The following NR3C2 variants were observed in gnomAD, a reference collection of about 807,000 sequenced individuals.
NR3C2 encodes the protein nuclear receptor subfamily 3 group C member 2, also known as mineralocorticoid receptor.
NR3C2 carries 15 observed loss-of-function variants against 86.4 expected under a neutral mutation model. The ratio of observed to expected loss-of-function variants is 0.17; its 90% CI spans 0.12 to 0.27. NR3C2 has a LOEUF of 0.27. NR3C2 is among the 10% of genes least tolerant of loss of function. NR3C2 has a pLI of 1.00. For synonymous variants in NR3C2, 458 were observed against 450.5 expected (o/e 1.02, Z -0.21); for missense variants, 960 against 1,195.6 (o/e 0.80, Z 2.91).
At chr4:148,392,316 A>T (rs971822309) in intron 2 of NR3C2, among the ~76,000 whole-genome samples, 1 of 152,248 alleles carries the variant, frequency 6.6e-6, no homozygotes, top group African/African-American at 2.4e-5. Flanking sequence ...CTAAAATATG[A>T]AATAGAAAAG....
At chr4:148,155,919 G>C (rs1416240060) in intron 4 of NR3C2, among the ~76,000 whole-genome samples, 2 of 152,102 alleles carry the variant, frequency 1.3e-5, no homozygotes, top group Non-Finnish European at 2.9e-5. Context: ...CAGAGATATA[G>C]ATCAATGGAA....
At chr4:148,261,446 C>T in intron 2 of NR3C2, among the ~76,000 whole-genome samples, 1 of 150,434 alleles carries the variant, frequency 6.6e-6, no homozygotes. Context: ...GCGCTACGGT[C>T]AGTGCTATGG....
chr4:148,334,080 A>G lies in NR3C2; in HGVS notation c.1758-73963T>C, dbSNP rs1042428709. 2.0e-5 allele frequency among the ~76,000 whole-genome samples: 3 copies of G among 152,236 alleles called. No individual in the cohort carries two copies. In the South Asian group the frequency reaches 6.2e-4, roughly 31 times the overall value. On this transcript the variant is annotated intron_variant, in intron 2 of 8. Coordinates refer to ENST00000358102, the MANE Select transcript of NR3C2 (RefSeq NM_000901.5). ...ATAAGGTGGACTTCCCAACAACCAG[A>G]TGTCATGAAGTACCGTAACTGACTT...
chr4:148,435,300 G>A lies in NR3C2; in HGVS notation c.1561C>T (p.Gln521Ter), dbSNP rs1553942796. 6.2e-7 allele frequency: 1 copy of A among 1,614,136 alleles called. No individual in the cohort carries two copies. Among genetic ancestry groups the A allele is most frequent in the Non-Finnish European group, 8.5e-7 (1 of 1,180,020 alleles). Reference protein sequence around the residue: ...SAIVGVNSGGQSFHYRIGAQG... With the variant: ...SAIVGVNSGG ...GCACCAATCCTGTAGTGGAAGGACT[G>A]TCCACCTGAATTCACCCCAACAATA... The change falls in exon 2 of 9, where the codon CAG (glutamine) becomes TAG (stop). Residue 521 changes from glutamine to a stop codon, truncating the protein, a stop_gained. Coordinates refer to ENST00000358102, the MANE Select transcript of NR3C2 (RefSeq NM_000901.5). LOFTEE classifies it high-confidence loss of function.
intron 6 of NR3C2, among the ~76,000 whole-genome samples, chr4:148,127,016 G>A (rs1329710324): frequency 6.6e-6 from 1 of 152,092 alleles, no homozygotes; most frequent in South Asian, 2.1e-4. Context: ...AGTACCTCCA[G>A]TGTTTTGTTA....
intron 2 of NR3C2, among the ~76,000 whole-genome samples, chr4:148,406,303 T>C (rs543901611): frequency 1.3e-5 from 2 of 152,278 alleles, no homozygotes; most frequent in South Asian, 4.2e-4. Context: ...ATTAAAAATA[T>C]ACACATTTTG....
chr4:148,218,207 A>G (rs1464828677), intron 3 of NR3C2, among the ~76,000 whole-genome samples: 1 of 152,230 alleles, frequency 6.6e-6, no homozygotes, highest in Non-Finnish European at 1.5e-5. Flanking sequence ...GCTACAGTTG[A>G]TAGCTGTTGC....
At chr4:148,336,178 C>T (rs1744478059) in intron 2 of NR3C2, among the ~76,000 whole-genome samples, 1 of 152,188 alleles carries the variant, frequency 6.6e-6, no homozygotes. Context: ...ACAAGTGTTC[C>T]TACGGGTGGC....
chr4:148,428,971 C>T (rs1286828498), intron 2 of NR3C2, among the ~76,000 whole-genome samples: 1 of 152,152 alleles, frequency 6.6e-6, no homozygotes, highest in Non-Finnish European at 1.5e-5. Flanking sequence ...CTAGTTCCAA[C>T]TAGCCTCTTC....
chr4:148,409,279 T>C (rs1203998479), intron 2 of NR3C2, among the ~76,000 whole-genome samples: 1 of 152,198 alleles, frequency 6.6e-6, no homozygotes, highest in African/African-American at 2.4e-5. Flanking sequence ...GTCTTAATTA[T>C]GTCTTTGATA....
intron 2 of NR3C2, among the ~76,000 whole-genome samples, chr4:148,421,777 T>A (rs1234764604): frequency 6.6e-6 from 1 of 152,194 alleles, no homozygotes. Flanking sequence ...TACTTCAGCA[T>A]TATGAAATCA....
chr4:148,201,336 C>T (rs1249262535), intron 3 of NR3C2, among the ~76,000 whole-genome samples: 1 of 152,126 alleles, frequency 6.6e-6, no homozygotes, highest in Non-Finnish European at 1.5e-5. Context: ...AAACTTACAA[C>T]CATTTCAGAA....
chr4:148,253,804 C>A (rs145247546), intron 3 of NR3C2, among the ~76,000 whole-genome samples: 1 of 152,112 alleles, frequency 6.6e-6, no homozygotes, highest in Non-Finnish European at 1.5e-5. Flanking sequence ...CTTTTCATCA[C>A]CCCCTCACTA....
chr4:148,344,548 C>T (rs559818622), intron 2 of NR3C2, among the ~76,000 whole-genome samples: 13 of 152,242 alleles, frequency 8.5e-5, no homozygotes, highest in Non-Finnish European at 1.9e-4. Flanking sequence ...TTGTTTGGCA[C>T]CTGGTCAGCA....
chr4:148,130,575 T>C (rs1301458944), intron 6 of NR3C2, among the ~76,000 whole-genome samples: 1 of 152,198 alleles, frequency 6.6e-6, no homozygotes, highest in African/African-American at 2.4e-5. Context: ...TGCATATCTT[T>C]CTATGACTGA....
At chr4:148,274,705 C>CTT (rs34170216) in intron 2 of NR3C2, among the ~76,000 whole-genome samples, 4 of 129,226 alleles carry the variant, frequency 3.1e-5, no homozygotes, top group Non-Finnish European at 1.6e-5. Flanking sequence ...GTAGTTTTTT[C>CTT]TTTTTTTTTT....
intron 2 of NR3C2, among the ~76,000 whole-genome samples, chr4:148,433,680 C>T (rs1030277899): frequency 6.6e-6 from 1 of 152,126 alleles, no homozygotes; most frequent in African/African-American, 2.4e-5. Context: ...GGGATTTCAA[C>T]CAGTTATGCT....
At chr4:148,151,584 A>C (rs1158484921) in intron 6 of NR3C2, among the ~76,000 whole-genome samples, 3 of 152,180 alleles carry the variant, frequency 2.0e-5, no homozygotes, top group Non-Finnish European at 4.4e-5. Context: ...GTAAATTACT[A>C]CTGGTACTAC....
chr4:148,277,171 G>A (rs923783161), intron 2 of NR3C2, among the ~76,000 whole-genome samples: 21 of 152,156 alleles, frequency 1.4e-4, no homozygotes, highest in African/African-American at 5.1e-4. Flanking sequence ...GTAAATGTTG[G>A]CATAAAATTC....
Sources: allele counts gnomAD v4.1 joint callset (sites outside exome capture counted in the v4.1 genomes callset), GRCh38; gene constraint gnomAD v4.1.1; transcripts MANE v1.5; gene names NCBI Gene and HGNC (gene_info 2026-07-23, HGNC 2026-07-21).